The following CORO7 variants were observed in gnomAD, a reference collection of about 807,000 sequenced individuals.
The protein encoded by CORO7 is coronin 7, also known as coronin-7.
In CORO7, 107 loss-of-function variants were observed where a neutral mutation model predicts 126.6. That is an observed-to-expected ratio of 0.85 (90% CI 0.72 to 0.99). CORO7 has a LOEUF of 0.99. Ranked by LOEUF, CORO7 falls within the 50% of genes least tolerant of loss-of-function variation. The probability of loss-of-function intolerance (pLI) is 0.00; values close to 1 mark genes in which losing one functional copy is unlikely to be tolerated. For synonymous variants in CORO7, 603 were observed against 536.8 expected (o/e 1.12, Z -1.70); for missense variants, 1,314 against 1,255.8 (o/e 1.05, Z -0.70).
At chr16:4,357,603 G>A (rs894251721) in intron 25 of CORO7, 2 of 334,768 alleles carry the variant, frequency 6.0e-6, no homozygotes, top group Non-Finnish European at 1.1e-5. Flanking sequence ...TGATCCACTC[G>A]CCTCAGCCTC....
intron 9 of CORO7, among the ~76,000 whole-genome samples, chr16:4,379,106 C>T (rs4786486): frequency 0.56 from 84,424 of 151,696 alleles, 25,203 homozygotes; most frequent in East Asian, 0.78. Context: ...GGAGAGGGAG[C>T]CCTATGGACG....
rs1403399399 is a variant in CORO7, at chr16:4,416,533, C to T, written c.-15G>A. On this transcript the variant is annotated 5_prime_UTR_variant, in exon 1 of 28. Transcript: ENST00000251166. ...AAGCGGTTCATGGCGACGGGCACGG[C>T]GGCGGACGCGTCTTCGAGGACCCCG... is the stretch of plus-strand genomic sequence containing the variant. 1 of 1,570,780 alleles carries T rather than the reference C, an allele frequency of 6.4e-7. No homozygotes were observed. Among genetic ancestry groups the T allele is most frequent in the South Asian group, 1.2e-5 (1 of 86,896 alleles).
intron 5 of CORO7, among the ~76,000 whole-genome samples, chr16:4,406,189 G>A (rs7197821): frequency 0.034 from 5,200 of 152,232 alleles, 301 homozygotes; most frequent in African/African-American, 0.12. Context: ...TAGCAGGGAC[G>A]GAATTTCACC....
rs1464869006 is a variant in CORO7 at position 4,364,417 on chromosome 16, C to G, written c.1138-4G>C. 2 of 1,500,422 alleles carry G rather than the reference C, an allele frequency of 1.3e-6. No homozygotes were observed. Among genetic ancestry groups the G allele is most frequent in the Non-Finnish European group, 1.8e-6 (2 of 1,127,080 alleles). The allele number at this position is 1,500,422 out of a possible 1,614,324, so 92.9% of individuals were successfully genotyped here. A position where few individuals can be genotyped will look rare whatever the true frequency, so the allele number is the denominator to read the frequency against. ...GGTTGAGGCTGACCTTCTGCACCTG[C>G]ATGGAGGCCGGCAGTGGGGAGATGG... On this transcript the variant is annotated splice_polypyrimidine_tract_variant and splice_region_variant and intron_variant, in intron 13 of 27. Transcript: ENST00000251166.
chr16:4,405,643 G>C, intron 5 of CORO7, 76 bp from the exon 6 acceptor site: 1 of 1,540,854 alleles, frequency 6.5e-7, no homozygotes, highest in East Asian at 2.3e-5. Context: ...GCCTTGCTGG[G>C]GGGAACTCCC....
chr16:4,391,595 G>T (rs1338448366), intron 7 of CORO7, among the ~76,000 whole-genome samples: 1 of 152,118 alleles, frequency 6.6e-6, no homozygotes, highest in Admixed American at 6.5e-5. Context: ...GCTTGACGTG[G>T]TGGTGCGTGC....
At chr16:4,378,621 C>A (rs999892901) in intron 9 of CORO7, among the ~76,000 whole-genome samples, 5 of 152,074 alleles carry the variant, frequency 3.3e-5, no homozygotes, top group Admixed American at 1.3e-4. Context: ...AGACACGAGC[C>A]CCCCTGGGGT....
intron 23 of CORO7, 74 bp downstream of exon 23, chr16:4,359,222 C>CT: frequency 6.7e-7 from 1 of 1,481,844 alleles, no homozygotes; most frequent in South Asian, 1.3e-5. Context: ...GGCTCCTGTA[C>CT]TTGCCCACAT....
At chr16:4,386,594 C>T (rs908595730) in intron 9 of CORO7, among the ~76,000 whole-genome samples, 5 of 152,146 alleles carry the variant, frequency 3.3e-5, no homozygotes, top group Non-Finnish European at 4.4e-5. Flanking sequence ...CAAGGCGGGG[C>T]GGGTCCCACT....
intron 3 of CORO7, among the ~76,000 whole-genome samples, chr16:4,409,922 T>C (rs749266995): frequency 1.2e-4 from 19 of 152,122 alleles, no homozygotes; most frequent in Non-Finnish European, 2.5e-4. Context: ...GTTCCAGGGG[T>C]GCTGGAGCTC....
Position 4,364,932 on chromosome 16 carries a change from A to G in CORO7, c.899-12T>C, listed in dbSNP as rs1167731442. On this transcript the variant is annotated splice_polypyrimidine_tract_variant and intron_variant, in intron 11 of 27. Transcript: ENST00000251166. Reference sequence around the variant, plus strand: ...GACACACTGGGTCACTGTTGAGGACACCATAGGGGAACAGGCAGGATGGGC... The same window carrying G: ...GACACACTGGGTCACTGTTGAGGACGCCATAGGGGAACAGGCAGGATGGGC... 2 of 1,608,904 alleles carry G rather than the reference A, an allele frequency of 1.2e-6. No homozygotes were observed. The highest frequency in any genetic ancestry group is 4.5e-5 in the East Asian group (2 of 44,716).
chr16:4,388,626 C>T lies in CORO7; in HGVS notation c.621G>A (p.Thr207=), dbSNP rs112728382. ...PRTKPRASQS[T]QAHENSRDSR... Reference sequence around the variant, plus strand: ...TATCCCTGCTGTTCTCATGGGCCTGCGTGCTCTGCAGGAGGCAAGAGGTGG... The same window carrying T: ...TATCCCTGCTGTTCTCATGGGCCTGTGTGCTCTGCAGGAGGCAAGAGGTGG... The change falls in exon 8 of 28, where the codon ACG becomes ACA. Residue 207 remains threonine (T), a synonymous_variant. Coordinates refer to ENST00000251166, the MANE Select transcript of CORO7 (RefSeq NM_024535.5). 3,599 of 1,611,108 alleles carry T rather than the reference C, an allele frequency of 2.2e-3. 5 individuals carry two copies. Among genetic ancestry groups the T allele is most frequent in the Non-Finnish European group, 2.4e-3 (2,864 of 1,179,220 alleles).
rs747675682 is a variant in CORO7 at position 4,412,447 on chromosome 16, G to C, written c.158-17C>G. On this transcript the variant is annotated splice_polypyrimidine_tract_variant and intron_variant, in intron 2 of 27. Transcript: ENST00000251166. ...CCAGTACACCTGTTAAACAAACACG[G>C]GGACTCTGACTTCAGGCCCCACAGG... 3 of 1,613,876 alleles carry C rather than the reference G, an allele frequency of 1.9e-6. No homozygotes were observed. The highest frequency in any genetic ancestry group is 2.5e-6 in the Non-Finnish European group (3 of 1,179,932).
At chr16:4,396,988 C>T (rs1197460106) in intron 6 of CORO7, among the ~76,000 whole-genome samples, 1 of 147,174 alleles carries the variant, frequency 6.8e-6, no homozygotes, top group Non-Finnish European at 1.5e-5. Context: ...TGCACTCCAG[C>T]CTGGGCAACA....
At position 4,382,193 on chromosome 16, in the gene CORO7, T is replaced by G. The variant is rs75704336; in HGVS notation, c.785+5793A>C. On this transcript the variant is annotated intron_variant, in intron 9 of 27. Coordinates refer to ENST00000251166, the MANE Select transcript of CORO7 (RefSeq NM_024535.5). ...TTGTGCCCCGAAGGCTTCACGGGCC[T>G]GTACTGTGAGAGCCAGATGGGGCAG... 1.0e-5 allele frequency: 16 copies of G among 1,601,756 alleles called. No individual in the cohort carries two copies. In the East Asian group the frequency reaches 3.4e-4, roughly 34 times the overall value.
At position 4,364,388 on chromosome 16, in the gene CORO7, G is replaced by A; in HGVS notation, c.1163C>T (p.Ala388Val). 1 of 1,511,800 alleles carries A rather than the reference G, an allele frequency of 6.6e-7. No individual in the cohort carries two copies. The highest frequency in any genetic ancestry group is 8.8e-7 in the Non-Finnish European group (1 of 1,132,570). The allele number at this position is 1,511,800 out of a possible 1,614,324, so 93.6% of individuals were successfully genotyped here. Residue 388 changes from alanine (A) to valine (V), a missense_variant, in exon 14 of 28, where the codon GCC becomes GTC. Transcript: ENST00000251166. ...AGTGAAGCTCGGGTGGGGCCGGCAG[G>A]CGGGGTTGAGGCTGACCTTCTGCAC... ...QQVQKVSLNP[A>V]CRPHPSFTSC...
chr16:4,365,455 T>A, intron 10 of CORO7, 36 bp downstream of exon 10: 1 of 1,554,058 alleles, frequency 6.4e-7, no homozygotes. Flanking sequence ...GACTCCAGGC[T>A]GTGGATGTGG....
chr16:4,407,759 G>T, intron 4 of CORO7, 75 bp from the exon 5 acceptor site: 1 of 1,468,064 alleles, frequency 6.8e-7, no homozygotes, highest in Non-Finnish European at 9.0e-7. Flanking sequence ...TGACCCCAGT[G>T]AGGTCCCGTG....
At chr16:4,382,429 G>C (rs201568220) in intron 9 of CORO7, 7 of 1,610,966 alleles carry the variant, frequency 4.3e-6, no homozygotes, top group African/African-American at 1.3e-5. Flanking sequence ...TGCCTCGCTC[G>C]CTGAGTACAC....
Sources: gnomAD v4.1 joint callset for allele counts (sites outside exome capture counted in the v4.1 genomes callset) on GRCh38, gnomAD v4.1.1 for gene constraint, MANE v1.5 for transcripts, NCBI Gene and HGNC (gene_info 2026-07-23, HGNC 2026-07-21) for gene names.